Variants in CNTN6 observed in about 807,000 individuals in gnomAD.
CNTN6 encodes contactin-6.
CNTN6 carries 137 observed loss-of-function variants against 122.8 expected under a neutral mutation model. The observed-to-expected ratio is 1.12, with a 90% CI of 0.97 to 1.29. The LOEUF is 1.29. Ranked by LOEUF, CNTN6 falls within the 50% of genes most tolerant of loss-of-function variation. The pLI, the probability that CNTN6 is intolerant of heterozygous loss-of-function variation, is 0.00. For missense variants in CNTN6, 1,634 were observed against 1,223.4 expected, an observed-to-expected ratio of 1.34 and a Z score of -5.01; for synonymous variants, 570 against 426.0, an observed-to-expected ratio of 1.34 and a Z score of -4.16.
At position 1,297,984 on chromosome 3, in the gene CNTN6, C is replaced by T; in HGVS notation, c.754C>T (p.Leu252Phe). The change falls in exon 7 of 23, where the codon CTT becomes TTT. Residue 252 changes from leucine (L) to phenylalanine (F), a missense_variant. Transcript: ENST00000446702. Reference protein sequence around the residue: ...DSSVKLECFALGNPVPDISWR... With the variant: ...DSSVKLECFAFGNPVPDISWR... ...ATCTGTAAAACTGGAATGTTTTGCC[C>T]TTGGAAAGTAAGGTTTTTGTTTTTG... 3.2e-6 allele frequency: 5 copies of T among 1,586,966 alleles called. No individual in the cohort carries two copies. Among genetic ancestry groups the T allele is most frequent in the Non-Finnish European group, 4.3e-6 (5 of 1,172,854 alleles).
At position 1,231,747 on chromosome 3, in the gene CNTN6, A is replaced by G. The variant is rs565221919; in HGVS notation, c.358+3754A>G. ...AAAAGTCTCTTTCAGCTATTGTCAT[A>G]TAATCTGTCCTTCCAAATACTCAGG... is the stretch of plus-strand genomic sequence containing the variant. On this transcript the variant is annotated intron_variant, in intron 4 of 22. Transcript: ENST00000446702. 2.0e-5 allele frequency among the ~76,000 whole-genome samples: 3 copies of G among 152,372 alleles called. No homozygotes were observed. The South Asian group carries it at 6.2e-4, about 32-fold the overall frequency.
chr3:1,186,278 T>C (rs2093626891), intron 2 of CNTN6, among the ~76,000 whole-genome samples: 1 of 152,160 alleles, frequency 6.6e-6, no homozygotes, highest in Non-Finnish European at 1.5e-5. Context: ...AAGAGATTCA[T>C]AGGTACATGT....
rs376179951 is a variant in CNTN6, at chr3:1,300,684, T to C, written c.761+2693T>C. Among the ~76,000 whole-genome samples the C allele has an allele frequency of 9.2e-5, 14 of 152,228 alleles. No individual in the cohort carries two copies. In the East Asian group the frequency reaches 2.3e-3, roughly 25 times the overall value. ...TGCTCACATACCAGTTTCTTAAATT[T>C]ATTTATTTTTATATTATTCAAACCT... On this transcript the variant is annotated intron_variant, in intron 7 of 22. Coordinates refer to ENST00000446702, the MANE Select transcript of CNTN6 (RefSeq NM_001289080.2).
At chr3:1,195,796 T>C (rs2093768615) in intron 2 of CNTN6, among the ~76,000 whole-genome samples, 3 of 152,326 alleles carry the variant, frequency 2.0e-5, no homozygotes, top group Admixed American at 6.5e-5. Flanking sequence ...CTTACTATTC[T>C]CACCTTTAGT....
chr3:1,097,420 A>T (rs1189426159), intron 1 of CNTN6, among the ~76,000 whole-genome samples: 2 of 152,242 alleles, frequency 1.3e-5, no homozygotes, highest in African/African-American at 4.8e-5. Context: ...TATATTTCAA[A>T]TCCTTAAAAG....
chr3:1,102,799 A>G (rs569469203), intron 1 of CNTN6, among the ~76,000 whole-genome samples: 5 of 149,414 alleles, frequency 3.3e-5, no homozygotes, highest in African/African-American at 7.3e-5. Context: ...TAATACACAG[A>G]AAACATTTAT....
chr3:1,323,492 C>T (rs1407288536), intron 8 of CNTN6, among the ~76,000 whole-genome samples: 1 of 151,702 alleles, frequency 6.6e-6, no homozygotes, highest in Non-Finnish European at 1.5e-5. Flanking sequence ...AATTCACTTT[C>T]TGAAGTGCTT....
chr3:1,094,249 G>A (rs2124905085), intron 1 of CNTN6, among the ~76,000 whole-genome samples: 1 of 152,206 alleles, frequency 6.6e-6, no homozygotes, highest in African/African-American at 2.4e-5. Flanking sequence ...GGAAAGAAAT[G>A]TTTAAGCAGA....
rs192615259 is a variant in CNTN6 at position 1,169,201 on chromosome 3, G to A, written c.55+21138G>A. Among the ~76,000 whole-genome samples, 14 of 152,362 alleles carry A rather than the reference G, an allele frequency of 9.2e-5. 1 individual carries two copies. Among genetic ancestry groups the A allele is most frequent in the Admixed American group, 7.8e-4 (12 of 15,302 alleles). ...TTTATCAAAGAGCATGCAATTGGCA[G>A]AGGATTTGTTCTTCTATTTAGCCTA... On this transcript the variant is annotated intron_variant, in intron 2 of 22. Coordinates refer to ENST00000446702, the MANE Select transcript of CNTN6 (RefSeq NM_001289080.2).
chr3:1,402,585 G>C (rs1576126920), intron 22 of CNTN6, 99 bp downstream of exon 22: 1 of 990,486 alleles, frequency 1.0e-6, no homozygotes, highest in South Asian at 2.2e-5. Context: ...TTAAATGTTG[G>C]GTGATAAGAT....
In CNTN6 at chr3:1,220,717, C is replaced by T; in HGVS notation, c.86C>T (p.Thr29Ile). 1 of 1,612,590 alleles carries T rather than the reference C, an allele frequency of 6.2e-7. No homozygotes were observed. Among genetic ancestry groups the T allele is most frequent in the South Asian group, 1.1e-5 (1 of 90,856 alleles). ...GGTCTTTTAAGCCGTCCTATTTTTA[C>T]TCAGGAGCCACATGATGTCATTTTT... ...GDGLLSRPIF[T>I]QEPHDVIFPL... The change falls in exon 3 of 23, where the codon ACT (threonine) becomes ATT (isoleucine). Residue 29 changes from threonine to isoleucine, a missense_variant. Thr to Ile is a moderately conservative substitution (Grantham distance 89). Coordinates refer to ENST00000446702, the MANE Select transcript of CNTN6 (RefSeq NM_001289080.2).
chr3:1,384,806 C>CAT (rs1559990605), intron 19 of CNTN6, among the ~76,000 whole-genome samples: 2 of 135,310 alleles, frequency 1.5e-5, no homozygotes, highest in African/African-American at 2.6e-5. Context: ...TACACACACA[C>CAT]ACACACATAT....
At chr3:1,157,133 T>C (rs996052238) in intron 2 of CNTN6, among the ~76,000 whole-genome samples, 1 of 151,902 alleles carries the variant, frequency 6.6e-6, no homozygotes, top group Non-Finnish European at 1.5e-5. Context: ...ATAGGGAAAC[T>C]GGGGTATCCA....
At chr3:1,315,629 A>C (rs2079259344) in intron 7 of CNTN6, among the ~76,000 whole-genome samples, 1 of 151,956 alleles carries the variant, frequency 6.6e-6, no homozygotes, top group Admixed American at 6.6e-5. Flanking sequence ...TAAAATATCT[A>C]ATTTTCCTAT....
intron 4 of CNTN6, among the ~76,000 whole-genome samples, chr3:1,241,764 G>A (rs2094488279): frequency 1.3e-5 from 2 of 152,200 alleles, no homozygotes; most frequent in Non-Finnish European, 2.9e-5. Context: ...TTTTTCAGCA[G>A]TAAGTCAGTC....
chr3:1,374,735 T>C (rs1709610342), intron 16 of CNTN6, among the ~76,000 whole-genome samples: 1 of 152,054 alleles, frequency 6.6e-6, no homozygotes, highest in South Asian at 2.1e-4. Flanking sequence ...CACATTCTTA[T>C]TCGATCACAT....
rs369301468 is a variant in CNTN6 at position 1,374,083 on chromosome 3, C to G, written c.2095+10C>G. 3.9e-5 allele frequency: 63 copies of G among 1,611,268 alleles called. No individual in the cohort carries two copies. The African/African-American group carries it at 7.9e-4, about 20-fold the overall frequency. ...AGAACTAAAGCATCAGGTAAAGAAT[C>G]AATGTGTTCTAAAAGTGTGGAAGAT... On this transcript the variant is annotated intron_variant, in intron 16 of 22. Coordinates refer to ENST00000446702, the MANE Select transcript of CNTN6 (RefSeq NM_001289080.2).
intron 1 of CNTN6, among the ~76,000 whole-genome samples, chr3:1,142,804 C>G (rs892546437): frequency 4.0e-5 from 6 of 151,502 alleles, no homozygotes; most frequent in Admixed American, 3.3e-4. Context: ...GTTTCCTGAC[C>G]CTTGTTTTAG....
intron 7 of CNTN6, among the ~76,000 whole-genome samples, chr3:1,318,107 A>C (rs915099686): frequency 3.3e-5 from 5 of 151,634 alleles, no homozygotes; most frequent in African/African-American, 1.2e-4. Context: ...GAAGGAAAGA[A>C]AGAAAGAAAG....
Sources: allele counts gnomAD v4.1 joint callset (sites outside exome capture counted in the v4.1 genomes callset), GRCh38; gene constraint gnomAD v4.1.1; transcripts MANE v1.5; gene names NCBI Gene and HGNC (gene_info 2026-07-23, HGNC 2026-07-21).